The following AP1AR variants were observed in gnomAD, a reference collection of about 807,000 sequenced individuals.
AP1AR encodes AP-1 complex-associated regulatory protein.
AP1AR carries 29 observed loss-of-function variants against 46.3 expected under a neutral mutation model. The observed-to-expected ratio is 0.63, with a 90% confidence interval of 0.47 to 0.85. The LOEUF (loss-of-function observed/expected upper bound fraction) is 0.85. Ranked by LOEUF, AP1AR falls within the 40% of genes least tolerant of loss-of-function variation. The pLI is 0.00. For synonymous variants in AP1AR, 122 were observed against 122.9 expected (o/e 0.99, Z 0.05); for missense variants, 357 against 356.3 (o/e 1.00, Z -0.02).
chr4:112,268,025 A>T, intron 9 of AP1AR, 119 bp from the exon 10 acceptor site: 1 of 1,045,796 alleles, frequency 9.6e-7, no homozygotes, highest in Non-Finnish European at 1.3e-6. Context: ...TGGGTCTTTA[A>T]GTTAATTCAC....
At chr4:112,261,774 G>A (rs966750294) in intron 5 of AP1AR, among the ~76,000 whole-genome samples, 2 of 151,810 alleles carry the variant, frequency 1.3e-5, no homozygotes, top group African/African-American at 4.8e-5. Context: ...TTTGAGACCA[G>A]CCTGGGCAAC....
chr4:112,238,800 A>G (rs1725358953), intron 1 of AP1AR, among the ~76,000 whole-genome samples: 1 of 152,174 alleles, frequency 6.6e-6, no homozygotes, highest in Non-Finnish European at 1.5e-5. Context: ...TCTAATTGCT[A>G]CTGTGTAGTT....
chr4:112,246,900 T>C (rs1299264217), intron 1 of AP1AR, among the ~76,000 whole-genome samples: 1 of 152,042 alleles, frequency 6.6e-6, no homozygotes, highest in Admixed American at 6.6e-5. Flanking sequence ...TATTCTTCTG[T>C]TTCTTCATTT....
intron 1 of AP1AR, among the ~76,000 whole-genome samples, chr4:112,233,426 G>T (rs1016033261): frequency 6.6e-6 from 1 of 152,144 alleles, no homozygotes; most frequent in Admixed American, 6.5e-5. Context: ...GTTTTATCTT[G>T]TCATCCAGGA....
intron 1 of AP1AR, among the ~76,000 whole-genome samples, chr4:112,236,931 A>G (rs928506811): frequency 6.6e-6 from 1 of 152,176 alleles, no homozygotes; most frequent in African/African-American, 2.4e-5. Context: ...AAATCTTAGC[A>G]TTTTAACTTT....
At chr4:112,265,170 T>C in intron 7 of AP1AR, 103 bp downstream of exon 7, 1 of 803,810 alleles carries the variant, frequency 1.2e-6, no homozygotes, top group South Asian at 2.7e-5. Context: ...TTCATGTTTA[T>C]GTGTTCCCTA....
chr4:112,266,410 G>C (rs943440710), intron 8 of AP1AR, among the ~76,000 whole-genome samples, 178 bp from the exon 9 acceptor site: 2 of 151,586 alleles, frequency 1.3e-5, no homozygotes, highest in African/African-American at 2.4e-5. Flanking sequence ...AGAGAGAAAA[G>C]TTTCTTTATA....
At chr4:112,241,519 T>C (rs1725497895) in intron 1 of AP1AR, among the ~76,000 whole-genome samples, 2 of 152,166 alleles carry the variant, frequency 1.3e-5, no homozygotes, top group Admixed American at 1.3e-4. Flanking sequence ...CCTTCAGCTT[T>C]TTTGTTCTGG....
rs1726828031 is a variant in AP1AR, at chr4:112,268,849, A to C, written c.*440A>C. 6.5e-6 allele frequency: 1 copy of C among 152,720 alleles called. No homozygotes were observed. The allele number at this position is 152,720 out of a possible 1,614,324, so 9.5% of individuals were successfully genotyped here. ...GAGGGATCGTCAGATTCAGATTTAG[A>C]ATAGTGTTCCCGTTTCCAGCATTAT... On this transcript the variant is annotated 3_prime_UTR_variant, in exon 10 of 10. Transcript: ENST00000274000.
In AP1AR at chr4:112,269,629, C is replaced by G. The variant is rs755912229; in HGVS notation, c.*1220C>G. Reference sequence around the variant, plus strand: ...CATGTTCTTATAAATATAGGAAGGTCCAGATATAAATAGTAACCTAAAGTT... The same window carrying G: ...CATGTTCTTATAAATATAGGAAGGTGCAGATATAAATAGTAACCTAAAGTT... On this transcript the variant is annotated 3_prime_UTR_variant, in exon 10 of 10. Coordinates refer to ENST00000274000, the MANE Select transcript of AP1AR (RefSeq NM_018569.6). The G allele has an allele frequency of 6.6e-6, 1 of 151,396 alleles. No homozygotes were observed. Among genetic ancestry groups the G allele is most frequent in the Non-Finnish European group, 1.5e-5 (1 of 67,718 alleles). 9.4% of individuals were successfully genotyped at this position (151,396 alleles called of 1,614,324 possible).
intron 6 of AP1AR, among the ~76,000 whole-genome samples, chr4:112,263,604 G>A (rs1726548822): frequency 6.6e-6 from 1 of 151,874 alleles, no homozygotes; most frequent in Non-Finnish European, 1.5e-5. Flanking sequence ...GGGAGTTTGG[G>A]TCTTGAGAAA....
chr4:112,252,702 G>T (rs1488832863), intron 1 of AP1AR, among the ~76,000 whole-genome samples: 1 of 152,096 alleles, frequency 6.6e-6, no homozygotes, highest in Admixed American at 6.5e-5. Flanking sequence ...ATTTGTGAGG[G>T]CATGGGAAGA....
intron 1 of AP1AR, among the ~76,000 whole-genome samples, chr4:112,239,974 A>G (rs1001043664): frequency 2.6e-5 from 4 of 152,188 alleles, no homozygotes; most frequent in African/African-American, 9.7e-5. Flanking sequence ...ACCTTTTCCA[A>G]TTTATCCTGC....
intron 3 of AP1AR, among the ~76,000 whole-genome samples, chr4:112,257,343 T>C (rs1259259380): frequency 6.6e-6 from 1 of 152,158 alleles, no homozygotes; most frequent in Non-Finnish European, 1.5e-5. Context: ...AGCTCAAATA[T>C]TGATTTTGTG....
chr4:112,249,071 T>C (rs1725841454), intron 1 of AP1AR, among the ~76,000 whole-genome samples: 1 of 152,028 alleles, frequency 6.6e-6, no homozygotes, highest in South Asian at 2.1e-4. Flanking sequence ...GGCAGACAGA[T>C]CACCTGGGGT....
Position 112,232,175 on chromosome 4 carries a change from G to A in AP1AR, c.83+1G>A. 2.3e-6 allele frequency: 3 copies of A among 1,278,428 alleles called. No individual in the cohort carries two copies. Among genetic ancestry groups the A allele is most frequent in the Non-Finnish European group, 3.0e-6 (3 of 1,004,132 alleles). The allele number at this position is 1,278,428 out of a possible 1,614,324, so 79.2% of individuals were successfully genotyped here. A position where few individuals can be genotyped will look rare whatever the true frequency, so the allele number is the denominator to read the frequency against. ...TGCAGCGAGTAGGCGGCGGCGGAGG[G>A]TAAGCCCGCTGGGGGAGGGGCCCGG... On this transcript the variant is annotated splice_donor_variant, in intron 1 of 9. Coordinates refer to ENST00000274000, the MANE Select transcript of AP1AR (RefSeq NM_018569.6). LOFTEE classifies it high-confidence loss of function.
chr4:112,254,916 TTTA>T (rs1457683133), intron 3 of AP1AR, 143 bp downstream of exon 3: 1 of 430,150 alleles, frequency 2.3e-6, no homozygotes, highest in East Asian at 3.8e-5. Context: ...TTTTTAGTTC[TTTA>T]TTATTTCCTT....
At chr4:112,259,601 A>T (rs1352131900) in intron 4 of AP1AR, among the ~76,000 whole-genome samples, 1 of 152,200 alleles carries the variant, frequency 6.6e-6, no homozygotes, top group Non-Finnish European at 1.5e-5. Flanking sequence ...TGAGATAGAT[A>T]CAGGTCAAAT....
chr4:112,258,019 G>T (rs1260801747), intron 4 of AP1AR, among the ~76,000 whole-genome samples: 1 of 152,056 alleles, frequency 6.6e-6, no homozygotes, highest in Non-Finnish European at 1.5e-5. Flanking sequence ...ATGCTTTCCT[G>T]TTGTACCTGT....
Sources: gnomAD v4.1 joint callset for allele counts (sites outside exome capture counted in the v4.1 genomes callset) on GRCh38, gnomAD v4.1.1 for gene constraint, MANE v1.5 for transcripts, NCBI Gene and HGNC (gene_info 2026-07-23, HGNC 2026-07-21) for gene names.